The following GOLGA5 variants were observed in gnomAD, a reference collection of about 807,000 sequenced individuals.
The protein encoded by GOLGA5 is golgin subfamily A member 5.
In GOLGA5, 50 loss-of-function variants were observed where a neutral mutation model predicts 93.5. That is an observed-to-expected ratio of 0.53 (90% CI 0.43 to 0.68). The LOEUF is 0.68. Among genes scored for constraint, GOLGA5 ranks in the 30% least tolerant of loss-of-function variants. The pLI is 0.00. For missense variants in GOLGA5, 760 were observed against 856.4 expected, an observed-to-expected ratio of 0.89 and a Z score of 1.40; for synonymous variants, 312 against 304.5, an observed-to-expected ratio of 1.02 and a Z score of -0.26.
chr14:92,827,042 T>TC lies in GOLGA5; in HGVS notation c.1719+2398_1719+2399insC, dbSNP rs1566959786. On this transcript the variant is annotated intron_variant, in intron 9 of 12. Coordinates refer to ENST00000163416, the MANE Select transcript of GOLGA5 (RefSeq NM_005113.4). ...CACAGATTGGGAAATAATATTTACTTTCTCTCTCTGTATATATATATCTGA... is the reference window on the plus strand; with the variant it reads ...CACAGATTGGGAAATAATATTTACTTCTCTCTCTCTGTATATATATATCTGA... Among the ~76,000 whole-genome samples, 47 of 152,176 alleles carry TC rather than the reference T, an allele frequency of 3.1e-4. 1 individual carries two copies. Among genetic ancestry groups the TC allele is most frequent in the African/African-American group, 1.0e-3 (42 of 41,532 alleles).
intron 6 of GOLGA5, 61 bp from the exon 7 acceptor site, chr14:92,816,190 T>C: frequency 9.2e-7 from 1 of 1,090,766 alleles, no homozygotes; most frequent in Non-Finnish European, 1.4e-6. Flanking sequence ...GTATAGTAGA[T>C]GATATTCAAT....
intron 7 of GOLGA5, among the ~76,000 whole-genome samples, chr14:92,817,089 C>T (rs1048523445): frequency 2.6e-5 from 4 of 151,902 alleles, no homozygotes; most frequent in Admixed American, 6.6e-5. Flanking sequence ...TACAGACGTG[C>T]GCCACCACAC....
chr14:92,835,634 G>A lies in GOLGA5; in HGVS notation c.2021G>A (p.Arg674His), dbSNP rs541378166. Residue 674 changes from arginine (R) to histidine (H), a missense_variant, in exon 11 of 13, where the codon CGC becomes CAC. By Grantham distance (29) the Arg-to-His change is conservative (BLOSUM62 0). Transcript: ENST00000163416. ...CTGGCAGGAATGTACGGAAAAGTTC[G>A]CAAAGCTGCTAGTTCAATTGATCAG... ...TNLAGMYGKV[R>H]KAASSIDQFS... The A allele has an allele frequency of 1.9e-5, 31 of 1,611,820 alleles. No individual in the cohort carries two copies. The highest frequency in any genetic ancestry group is 3.3e-5 in the Admixed American group (2 of 60,012).
chr14:92,797,987 T>C lies in GOLGA5; in HGVS notation c.544+6T>C, dbSNP rs1884775197. On this transcript the variant is annotated splice_donor_region_variant and intron_variant, in intron 2 of 12. Transcript: ENST00000163416. ...TTTTGGGAGCCAAACCCACGGTAGT[T>C]AATCAGTCCTCTTATTTCTTTTAGA... is the stretch of plus-strand genomic sequence containing the variant. 1 of 1,545,990 alleles carries C rather than the reference T, an allele frequency of 6.5e-7. No individual in the cohort carries two copies. Among genetic ancestry groups the C allele is most frequent in the African/African-American group, 1.4e-5 (1 of 72,224 alleles).
intron 8 of GOLGA5, among the ~76,000 whole-genome samples, chr14:92,820,670 G>A (rs1885299639): frequency 6.6e-6 from 1 of 152,192 alleles, no homozygotes; most frequent in Non-Finnish European, 1.5e-5. Flanking sequence ...CAGGGCAGAG[G>A]TCCCTGCAGC....
Position 92,808,006 on chromosome 14 carries a change from G to A in GOLGA5, c.772+1043G>A, listed in dbSNP as rs147642690. Among the ~76,000 whole-genome samples, 836 of 152,216 alleles carry A rather than the reference G, an allele frequency of 5.5e-3. 5 individuals carry two copies. The highest frequency in any genetic ancestry group is 0.019 in the African/African-American group (803 of 41,518). ...TCCCAACACTTTGGGAGGCCGAGGCGGGCGGATCACAAGGTCAGGAGTTCA... is the reference window on the plus strand; with the variant it reads ...TCCCAACACTTTGGGAGGCCGAGGCAGGCGGATCACAAGGTCAGGAGTTCA... On this transcript the variant is annotated intron_variant, in intron 3 of 12. Transcript: ENST00000163416.
rs375496588 is a variant in GOLGA5, at chr14:92,799,530, C to T, written c.544+1549C>T. Reference sequence around the variant, plus strand: ...TGATCTCCTGACCTTGTGATCCGCCCGCCTCGGCCTCCCAAAGTGCTGGGA... The same window carrying T: ...TGATCTCCTGACCTTGTGATCCGCCTGCCTCGGCCTCCCAAAGTGCTGGGA... On this transcript the variant is annotated intron_variant, in intron 2 of 12. Coordinates refer to ENST00000163416, the MANE Select transcript of GOLGA5 (RefSeq NM_005113.4). 6.6e-5 allele frequency among the ~76,000 whole-genome samples: 10 copies of T among 151,504 alleles called. No individual in the cohort carries two copies. The East Asian group carries it at 9.7e-4, about 15-fold the overall frequency.
chr14:92,806,419 T>A (rs10131016), intron 2 of GOLGA5, among the ~76,000 whole-genome samples: 112,183 of 152,084 alleles, frequency 0.74, 41,827 homozygotes, highest in East Asian at 0.85. Context: ...CTCAAGTGAT[T>A]CTCCTGCCTC....
At position 92,797,673 on chromosome 14, in the gene GOLGA5, C is replaced by T. The variant is rs866299587; in HGVS notation, c.236C>T (p.Ala79Val). The T allele has an allele frequency of 6.2e-7, 1 of 1,613,888 alleles. No homozygotes were observed. ...CGAAATCAAAAAGCCACCATCTTAG[C>T]TGGCACTGCAAATGTGAAAGTAGGA... is the stretch of plus-strand genomic sequence containing the variant. ...NIRNQKATIL[A>V]GTANVKVGSR... is the part of the protein sequence containing the mutation. Residue 79 changes from alanine (A) to valine (V), a missense_variant, in exon 2 of 13, where the codon GCT (alanine) becomes GTT (valine). Physicochemically the swap from Ala to Val is moderately conservative, Grantham distance 64. Coordinates refer to ENST00000163416, the MANE Select transcript of GOLGA5 (RefSeq NM_005113.4).
intron 5 of GOLGA5, chr14:92,810,594 C>T: frequency 3.3e-6 from 1 of 307,346 alleles, no homozygotes; most frequent in Non-Finnish European, 5.9e-6. Context: ...AGTTAATGTG[C>T]ATTAGAGATA....
At chr14:92,807,152 A>G (rs1181745946) in intron 3 of GOLGA5, among the ~76,000 whole-genome samples, 189 bp downstream of exon 3, 1 of 152,064 alleles carries the variant, frequency 6.6e-6, no homozygotes, top group East Asian at 1.9e-4. Flanking sequence ...ATACAAAAAA[A>G]TTAGTCAGAT....
chr14:92,827,504 C>T (rs1439573583), intron 9 of GOLGA5, among the ~76,000 whole-genome samples: 1 of 152,238 alleles, frequency 6.6e-6, no homozygotes, highest in Non-Finnish European at 1.5e-5. Flanking sequence ...ATTCCCACAT[C>T]TCTTTACCTC....
At chr14:92,820,103 C>T (rs948651624) in intron 8 of GOLGA5, among the ~76,000 whole-genome samples, 7 of 152,176 alleles carry the variant, frequency 4.6e-5, no homozygotes, top group African/African-American at 1.7e-4. Flanking sequence ...AGGAGACCGG[C>T]GCTCAGCATA....
At chr14:92,816,566 T>G in intron 7 of GOLGA5, 145 bp downstream of exon 7, 1 of 630,580 alleles carries the variant, frequency 1.6e-6, no homozygotes, top group Non-Finnish European at 2.7e-6. Context: ...CCTCCTCCTC[T>G]TCCTCTTCTC....
intron 1 of GOLGA5, 72 bp from the exon 2 acceptor site, chr14:92,797,336 C>G (rs1374608916): frequency 1.1e-6 from 1 of 871,482 alleles, no homozygotes; most frequent in East Asian, 2.6e-5. Flanking sequence ...TGCCTGACTC[C>G]AGAGTCTGGT....
rs368665594 is a variant in GOLGA5, at chr14:92,806,940, A to G, written c.749A>G (p.Gln250Arg). 6.2e-6 allele frequency: 10 copies of G among 1,601,382 alleles called. No individual in the cohort carries two copies. The African/African-American group carries it at 6.7e-5, about 11-fold the overall frequency. ...AATCAAGAAATGGCCTCGTTACTCC[A>G]AAGATCCAAAGAGACTCAAGAAGGT... ...SLNQEMASLL[Q>R]RSKETQEELN... Residue 250 changes from glutamine (Q) to arginine (R), a missense_variant, in exon 3 of 13, where the codon CAA becomes CGA. Transcript: ENST00000163416.
chr14:92,812,046 CTTG>C (rs1156322125), intron 6 of GOLGA5, among the ~76,000 whole-genome samples: 12 of 152,236 alleles, frequency 7.9e-5, no homozygotes, highest in African/African-American at 2.4e-4. Context: ...TTTATTCTTC[CTTG>C]TTGATCTCCT....
intron 8 of GOLGA5, among the ~76,000 whole-genome samples, chr14:92,820,897 T>TA (rs1885305691): frequency 6.6e-6 from 1 of 152,212 alleles, no homozygotes; most frequent in South Asian, 2.1e-4. Flanking sequence ...TTGTTCAGGG[T>TA]ACAGGTCAAA....
chr14:92,806,928 C>A lies in GOLGA5; in HGVS notation c.737C>A (p.Ala246Asp). 1 of 1,609,130 alleles carries A rather than the reference C, an allele frequency of 6.2e-7. No homozygotes were observed. The highest frequency in any genetic ancestry group is 8.5e-7 in the Non-Finnish European group (1 of 1,175,516). ...GTTCAGTCTTTAAATCAAGAAATGG[C>A]CTCGTTACTCCAAAGATCCAAAGAG... ...NEVQSLNQEM[A>D]SLLQRSKETQ... Residue 246 changes from alanine (A) to aspartate (D), a missense_variant, in exon 3 of 13, where the codon GCC becomes GAC. Physicochemically the swap from Ala to Asp is moderately radical, Grantham distance 126 (BLOSUM62 -2). Coordinates refer to ENST00000163416, the MANE Select transcript of GOLGA5 (RefSeq NM_005113.4).
Sources: gnomAD v4.1 joint callset for allele counts (sites outside exome capture counted in the v4.1 genomes callset) on GRCh38, gnomAD v4.1.1 for gene constraint, MANE v1.5 for transcripts, NCBI Gene and HGNC (gene_info 2026-07-23, HGNC 2026-07-21) for gene names.